C10orf53: variants seen among roughly 807,000 people sequenced by gnomAD.
The protein encoded by C10orf53 is chromosome 10 open reading frame 53.
A neutral mutation model predicts 9.4 loss-of-function variants in C10orf53; 8 were observed. The ratio of observed to expected loss-of-function variants is 0.85; its 90% confidence interval spans 0.50 to 1.53. The LOEUF is 1.53. Ranked by LOEUF, C10orf53 falls within the 40% of genes most tolerant of loss-of-function variation. C10orf53 has a pLI of 0.00. For missense variants in C10orf53, 117 were observed against 117.8 expected, an observed-to-expected ratio of 0.99 and a Z score of 0.03; for synonymous variants, 48 against 46.0, an observed-to-expected ratio of 1.04 and a Z score of -0.18.
downstream of C10orf53, among the ~76,000 whole-genome samples, chr10:49,701,398 T>A (rs868455265): frequency 1.8e-3 from 273 of 151,090 alleles, no homozygotes; most frequent in South Asian, 0.011. Flanking sequence ...AATTGCTGCG[T>A]TTTTTTTTAT....
chr10:49,687,714 C>T lies in C10orf53; in HGVS notation c.98-6060C>T, dbSNP rs1564504478. On this transcript the variant is annotated intron_variant, in intron 1 of 2. Coordinates refer to ENST00000374111, the MANE Select transcript of C10orf53 (RefSeq NM_001042427.3). ...GTTCTTATTGTTCCTGAGGAAGGCT[C>T]ATTGCGAAGGGGAGGTGCAGGCAAC... Among the ~76,000 whole-genome samples, 4 of 152,200 alleles carry T rather than the reference C, an allele frequency of 2.6e-5. No homozygotes were observed. In the East Asian group the frequency reaches 7.7e-4, roughly 29 times the overall value.
Position 49,693,745 on chromosome 10 carries a change from T to A in C10orf53, c.98-29T>A, listed in dbSNP as rs373973677. The A allele has an allele frequency of 3.1e-6, 5 of 1,608,078 alleles. No homozygotes were observed. The African/African-American group carries it at 6.7e-5, about 21-fold the overall frequency. On this transcript the variant is annotated intron_variant, in intron 1 of 2. Coordinates refer to ENST00000374111, the MANE Select transcript of C10orf53 (RefSeq NM_001042427.3). The stretch of plus-strand genomic sequence containing the variant: ...GGTTAGTTTGAAGTCTGACCCCATG[T>A]CACTCACCTCCTTTTCTTTCCTTCC...
At chr10:49,694,505 C>T in intron 2 of C10orf53, 33 bp from the exon 3 acceptor site, 1 of 1,613,524 alleles carries the variant, frequency 6.2e-7, no homozygotes, top group Non-Finnish European at 8.5e-7. Flanking sequence ...GTATATAAAG[C>T]TAACCAAAAG....
In C10orf53 at chr10:49,686,300, T is replaced by A. The variant is rs189056503; in HGVS notation, c.97+6506T>A. On this transcript the variant is annotated intron_variant, in intron 1 of 2. Transcript: ENST00000374111. Reference sequence around the variant, plus strand: ...TTACTTTAATCTCTTAATCCTGTTATCTTCATAAACTGAGAATGTACGTCA... The same window carrying A: ...TTACTTTAATCTCTTAATCCTGTTAACTTCATAAACTGAGAATGTACGTCA... 2.2e-3 allele frequency among the ~76,000 whole-genome samples: 331 copies of A among 152,342 alleles called. 4 individuals carry two copies. Among genetic ancestry groups the A allele is most frequent in the African/African-American group, 7.4e-3 (307 of 41,578 alleles).
rs942105966 is a variant in C10orf53 at position 49,682,333 on chromosome 10, C to T, written c.97+2539C>T. ...TTCAAGAATGAAGCCAGGGACCTCG[C>T]GGTGAGTGTTACAGCTCTTAAAGGT... On this transcript the variant is annotated intron_variant, in intron 1 of 2. Coordinates refer to ENST00000374111, the MANE Select transcript of C10orf53 (RefSeq NM_001042427.3). Among the ~76,000 whole-genome samples, 6 of 152,064 alleles carry T rather than the reference C, an allele frequency of 3.9e-5. No individual in the cohort carries two copies. The South Asian group carries it at 8.3e-4, about 21-fold the overall frequency.
chr10:49,688,972 C>T (rs1476352355), intron 1 of C10orf53, among the ~76,000 whole-genome samples: 2 of 152,290 alleles, frequency 1.3e-5, no homozygotes, highest in African/African-American at 4.8e-5. Context: ...CCTTGTTACC[C>T]TTCTCCCCCA....
intron 1 of C10orf53, among the ~76,000 whole-genome samples, chr10:49,693,381 C>A (rs996135725): frequency 2.0e-5 from 3 of 152,028 alleles, no homozygotes; most frequent in African/African-American, 7.3e-5. Context: ...GCCAAATTGC[C>A]CTCCAGAAGG....
rs1423595217 is a variant in C10orf53 at position 49,696,680 on chromosome 10, A to G, written c.*2078A>G. On this transcript the variant is annotated 3_prime_UTR_variant, in exon 3 of 3. Transcript: ENST00000374111. ...GCCTGTGCCCAGAGCCCTATGTTTC[A>G]GTTTGGATCAGAGGCAAATGATGTC... Among the ~76,000 whole-genome samples the G allele has an allele frequency of 1.3e-5, 2 of 151,856 alleles. No homozygotes were observed. Among genetic ancestry groups the G allele is most frequent in the Non-Finnish European group, 2.9e-5 (2 of 67,972 alleles).
At chr10:49,705,460 C>T (rs918128541) in intron 2 of C10orf53, among the ~76,000 whole-genome samples, 12 of 152,070 alleles carry the variant, frequency 7.9e-5, no homozygotes, top group African/African-American at 2.4e-4. Context: ...ATGGAAGATA[C>T]AAGAAACAGG....
rs545058767 is a variant in C10orf53, at chr10:49,689,822, ATGT to A, written c.98-3948_98-3946del. Among the ~76,000 whole-genome samples the A allele has an allele frequency of 7.1e-4, 108 of 152,314 alleles. 1 individual carries two copies. Among genetic ancestry groups the A allele is most frequent in the Non-Finnish European group, 1.2e-3 (79 of 68,034 alleles). On this transcript the variant is annotated intron_variant, in intron 1 of 2. Coordinates refer to ENST00000374111, the MANE Select transcript of C10orf53 (RefSeq NM_001042427.3). ...AGAAGAATTAGGGGTCATTTTTAAA[ATGT>A]TGTCCTTTTCTATAATTTTAAAGTT... is the stretch of plus-strand genomic sequence containing the variant.
chr10:49,684,516 A>G (rs1428084542), intron 1 of C10orf53, among the ~76,000 whole-genome samples: 1 of 152,098 alleles, frequency 6.6e-6, no homozygotes. Flanking sequence ...ATTTATTTAG[A>G]TCTTTCTTAA....
At chr10:49,694,022 A>G (rs1840610978) in intron 2 of C10orf53, 129 bp downstream of exon 2, 1 of 1,344,740 alleles carries the variant, frequency 7.4e-7, no homozygotes, top group Non-Finnish European at 1.0e-6. Flanking sequence ...TGAAACTTGT[A>G]CTGAAAGCCC....
At chr10:49,708,573 A>G (rs201171535) in exon 3 of C10orf53, 4 of 1,614,200 alleles carry the variant, frequency 2.5e-6, no homozygotes, top group Non-Finnish European at 3.4e-6. Flanking sequence ...CCTGGATCAC[A>G]TGCTCATTTC....
At chr10:49,689,624 G>A (rs1325298297) in intron 1 of C10orf53, among the ~76,000 whole-genome samples, 2 of 152,134 alleles carry the variant, frequency 1.3e-5, no homozygotes, top group Admixed American at 1.3e-4. Flanking sequence ...TCAGAAAAAG[G>A]AATGGGTAAA....
At chr10:49,694,033 T>A in intron 2 of C10orf53, 140 bp downstream of exon 2, 10 of 1,214,030 alleles carry the variant, frequency 8.2e-6, no homozygotes, top group Non-Finnish European at 1.2e-5. Context: ...CTGAAAGCCC[T>A]GTGCTTTCAG....
At chr10:49,707,298 G>A (rs1840729626) in intron 2 of C10orf53, among the ~76,000 whole-genome samples, 1 of 152,298 alleles carries the variant, frequency 6.6e-6, no homozygotes, top group Middle Eastern at 3.4e-3. Flanking sequence ...AAGACTGGGG[G>A]CAGAGCCCAT....
chr10:49,684,840 T>C (rs1840512382), intron 1 of C10orf53, among the ~76,000 whole-genome samples: 1 of 152,186 alleles, frequency 6.6e-6, no homozygotes, highest in Non-Finnish European at 1.5e-5. Flanking sequence ...AGATGACTTT[T>C]ATTTCTTTTT....
chr10:49,690,024 T>A (rs1564505187), intron 1 of C10orf53, among the ~76,000 whole-genome samples: 1 of 152,186 alleles, frequency 6.6e-6, no homozygotes, highest in Non-Finnish European at 1.5e-5. Context: ...GATGGTTTCC[T>A]GACCTCTGAG....
intron 1 of C10orf53, among the ~76,000 whole-genome samples, chr10:49,689,065 C>G (rs895141291): frequency 2.0e-5 from 3 of 152,168 alleles, no homozygotes; most frequent in African/African-American, 7.2e-5. Flanking sequence ...CAGAGCTGTG[C>G]CTGGCATATT....
Sources: allele counts gnomAD v4.1 joint callset (sites outside exome capture counted in the v4.1 genomes callset), GRCh38; gene constraint gnomAD v4.1.1; transcripts MANE v1.5; gene names NCBI Gene and HGNC (gene_info 2026-07-23, HGNC 2026-07-21).